Variants in ACAP2 observed in about 807,000 individuals in gnomAD.
The protein encoded by ACAP2 is ArfGAP with coiled-coil, ankyrin repeat and PH domains 2, also known as arf-GAP with coiled-coil, ANK repeat and PH domain-containing protein 2.
A neutral mutation model predicts 115.8 loss-of-function variants in ACAP2; 39 were observed. The ratio of observed to expected loss-of-function variants is 0.34; its 90% CI spans 0.26 to 0.44. The LOEUF is 0.44. Among genes scored for constraint, ACAP2 ranks in the 20% least tolerant of loss-of-function variants. The probability of loss-of-function intolerance (pLI) is 1.00; values close to 1 mark genes in which losing one functional copy is unlikely to be tolerated. For synonymous variants in ACAP2, 289 were observed against 315.8 expected (o/e 0.92, Z 0.90); for missense variants, 662 against 927.6 (o/e 0.71, Z 3.72).
At chr3:195,400,228 G>GTATA (rs113439281) in intron 1 of ACAP2, among the ~76,000 whole-genome samples, 1 of 149,392 alleles carries the variant, frequency 6.7e-6, no homozygotes, top group African/African-American at 2.5e-5. Flanking sequence ...ATATGTGTGT[G>GTATA]TATATATATA....
intron 2 of ACAP2, among the ~76,000 whole-genome samples, chr3:195,386,503 G>T (rs1268135209): frequency 6.6e-6 from 1 of 152,140 alleles, no homozygotes; most frequent in Non-Finnish European, 1.5e-5. Flanking sequence ...AGACATGGAT[G>T]AAGCTGGAAA....
chr3:195,423,656 T>C (rs910680850), intron 1 of ACAP2, among the ~76,000 whole-genome samples: 1 of 150,254 alleles, frequency 6.7e-6, no homozygotes, highest in Non-Finnish European at 1.5e-5. Flanking sequence ...GTAACTATTT[T>C]AAGTTTTGCA....
intron 4 of ACAP2, among the ~76,000 whole-genome samples, chr3:195,347,038 G>C (rs1731231359): frequency 2.0e-5 from 3 of 151,940 alleles, no homozygotes; most frequent in Admixed American, 6.6e-5. Flanking sequence ...TCTTGATTTT[G>C]GTGTGGAGAC....
At chr3:195,429,340 C>A (rs762502461) in intron 1 of ACAP2, among the ~76,000 whole-genome samples, 17 of 145,878 alleles carry the variant, frequency 1.2e-4, no homozygotes, top group Non-Finnish European at 1.9e-4. Flanking sequence ...GATCGCACCA[C>A]TGCACTCCAG....
chr3:195,411,791 T>A (rs1467961528), intron 1 of ACAP2, among the ~76,000 whole-genome samples: 1 of 151,680 alleles, frequency 6.6e-6, no homozygotes, highest in African/African-American at 2.4e-5. Context: ...ATGCCTGTAA[T>A]CCCAGCACTT....
chr3:195,375,880 T>G (rs1243144678), intron 4 of ACAP2, among the ~76,000 whole-genome samples: 1 of 152,196 alleles, frequency 6.6e-6, no homozygotes, highest in African/African-American at 2.4e-5. Context: ...ACGTTAAAGC[T>G]GCATTCAGCA....
At chr3:195,342,789 A>G (rs1730961441) in intron 5 of ACAP2, 135 bp from the exon 6 acceptor site, 1 of 574,484 alleles carries the variant, frequency 1.7e-6, no homozygotes, top group Non-Finnish European at 3.0e-6. Flanking sequence ...AGGTCAAGAG[A>G]TCGAGACCAT....
Position 195,302,004 on chromosome 3 carries a change from C to T in ACAP2, c.1287G>A (p.Leu429=), listed in dbSNP as rs1279537212. 3 of 1,613,816 alleles carry T rather than the reference C, an allele frequency of 1.9e-6. No homozygotes were observed. The highest frequency in any genetic ancestry group is 2.2e-5 in the South Asian group (2 of 91,052). Residue 429 remains leucine, a synonymous_variant, in exon 14 of 23, where the codon CTG becomes CTA. Coordinates refer to ENST00000326793, the MANE Select transcript of ACAP2 (RefSeq NM_012287.6). The stretch of plus-strand genomic sequence containing the variant: ...AGCACTCGATACACAAGGTGATGCC[C>T]AGGTTGATGCTGGCCCACCGTGGAT... ...LADPRWASIN[L]GITLCIECSG...
chr3:195,376,607 A>C (rs1733560913), intron 4 of ACAP2, among the ~76,000 whole-genome samples: 1 of 152,164 alleles, frequency 6.6e-6, no homozygotes, highest in South Asian at 2.1e-4. Context: ...TCTCATTCTA[A>C]AAGGAATAAG....
chr3:195,309,361 A>G (rs1052277502), intron 10 of ACAP2, among the ~76,000 whole-genome samples: 3 of 152,144 alleles, frequency 2.0e-5, no homozygotes, highest in Non-Finnish European at 4.4e-5. Flanking sequence ...CCTGACCAAC[A>G]TGGTGAAACC....
chr3:195,420,880 G>C (rs1396550042), intron 1 of ACAP2, among the ~76,000 whole-genome samples: 1 of 152,130 alleles, frequency 6.6e-6, no homozygotes, highest in Admixed American at 6.5e-5. Flanking sequence ...CTGACCTCAA[G>C]TGATCCACCT....
intron 1 of ACAP2, among the ~76,000 whole-genome samples, chr3:195,393,254 T>C (rs1711507547): frequency 6.6e-6 from 1 of 152,156 alleles, no homozygotes; most frequent in Non-Finnish European, 1.5e-5. Flanking sequence ...AAGGATCACT[T>C]GGGCCTAGGA....
In ACAP2 at chr3:195,292,944, T is replaced by C. The variant is rs548627130; in HGVS notation, c.1766-492A>G. ...CTCAAAAAAAAAAAAAAAAAAAAAG[T>C]TAAGATGATAAATTTTATGTGCATT... On this transcript the variant is annotated intron_variant, in intron 18 of 22. Coordinates refer to ENST00000326793, the MANE Select transcript of ACAP2 (RefSeq NM_012287.6). Among the ~76,000 whole-genome samples, 363 of 92,792 alleles carry C rather than the reference T, an allele frequency of 3.9e-3. 4 individuals are homozygous for C. The highest frequency in any genetic ancestry group is 5.9e-3 in the Non-Finnish European group (237 of 39,892). 60.9% of individuals were successfully genotyped at this position (92,792 alleles called of 152,430 possible).
intron 21 of ACAP2, among the ~76,000 whole-genome samples, chr3:195,287,984 C>CCAGCTACTCA (rs1726958144): frequency 6.6e-6 from 1 of 151,866 alleles, no homozygotes; most frequent in South Asian, 2.1e-4. Flanking sequence ...GTGTGTAATC[C>CCAGCTACTCA]CAGCTACTCA....
At chr3:195,291,947 A>T (rs1727285866) in intron 19 of ACAP2, 132 bp from the exon 20 acceptor site, 1 of 716,438 alleles carries the variant, frequency 1.4e-6, no homozygotes. Flanking sequence ...AACAAAAAAT[A>T]TCCCTCAGCC....
intron 10 of ACAP2, among the ~76,000 whole-genome samples, chr3:195,316,241 A>C (rs921096091): frequency 1.3e-5 from 2 of 151,562 alleles, no homozygotes; most frequent in Admixed American, 6.6e-5. Context: ...GGCTACAGAA[A>C]TTTGTCAGGA....
At chr3:195,425,800 C>G (rs1054074603) in intron 1 of ACAP2, among the ~76,000 whole-genome samples, 3 of 152,104 alleles carry the variant, frequency 2.0e-5, no homozygotes, top group African/African-American at 7.2e-5. Flanking sequence ...TTCTAATTCC[C>G]TATAAAAAAA....
At chr3:195,394,338 T>C (rs1237037842) in intron 1 of ACAP2, among the ~76,000 whole-genome samples, 1 of 152,224 alleles carries the variant, frequency 6.6e-6, no homozygotes, top group Non-Finnish European at 1.5e-5. Context: ...ATTTACATTT[T>C]AACCTTTATT....
At chr3:195,322,243 C>T (rs1202692386) in intron 9 of ACAP2, among the ~76,000 whole-genome samples, 1 of 152,096 alleles carries the variant, frequency 6.6e-6, no homozygotes, top group African/African-American at 2.4e-5. Flanking sequence ...ACTCTAAAGC[C>T]AGTCCCATAA....
Sources: gnomAD v4.1 joint callset for allele counts (sites outside exome capture counted in the v4.1 genomes callset) on GRCh38, gnomAD v4.1.1 for gene constraint, MANE v1.5 for transcripts, NCBI Gene and HGNC (gene_info 2026-07-23, HGNC 2026-07-21) for gene names.